Variants in CILK1 observed in about 807,000 individuals in gnomAD.
CILK1 encodes serine/threonine-protein kinase ICK.
In CILK1, 47 loss-of-function variants were observed where a neutral mutation model predicts 79.2. The observed-to-expected ratio is 0.59, with a 90% CI of 0.47 to 0.76. The LOEUF is 0.76. Ranked by LOEUF, CILK1 falls within the 30% of genes least tolerant of loss-of-function variation. The pLI is 0.00. For synonymous variants in CILK1, 266 were observed against 275.9 expected (o/e 0.96, Z 0.36); for missense variants, 660 against 769.5 (o/e 0.86, Z 1.68).
At chr6:53,014,066 G>C in intron 8 of CILK1, 84 bp from the exon 9 acceptor site, 1 of 1,104,928 alleles carries the variant, frequency 9.1e-7, no homozygotes, top group Non-Finnish European at 1.4e-6. Flanking sequence ...ATTTCATTGT[G>C]ACCAGTTTAC....
At position 53,001,347 on chromosome 6, in the gene CILK1, T is replaced by C. The variant is rs1467151189; in HGVS notation, c.*3802A>G. On this transcript the variant is annotated 3_prime_UTR_variant, in exon 14 of 14. Transcript: ENST00000676107. ...TTATTTGGACCAGGAAATTTTTCCT[T>C]ACATAAGGTTGACATGTTTTAAACA... The C allele has an allele frequency of 6.8e-6, 1 of 147,740 alleles. No individual in the cohort carries two copies. The highest frequency in any genetic ancestry group is 1.5e-5 in the Non-Finnish European group (1 of 66,376). 9.2% of individuals were successfully genotyped at this position (147,740 alleles called of 1,614,324 possible).
At chr6:53,012,369 A>C (rs889237959) in intron 9 of CILK1, 142 bp from the exon 10 acceptor site, 1 of 734,256 alleles carries the variant, frequency 1.4e-6, no homozygotes, top group African/African-American at 1.7e-5. Flanking sequence ...GCAACTGTAG[A>C]AAACACATTC....
At chr6:53,041,072 T>TA in intron 2 of CILK1, 64 bp downstream of exon 2, 1 of 1,114,444 alleles carries the variant, frequency 9.0e-7, no homozygotes, top group South Asian at 1.2e-5. Context: ...TTAGAACTGT[T>TA]ACAAAGACGG....
intron 1 of CILK1, among the ~76,000 whole-genome samples, chr6:53,058,479 G>A (rs1200261884): frequency 6.6e-6 from 1 of 152,088 alleles, no homozygotes; most frequent in African/African-American, 2.4e-5. Flanking sequence ...GTATTTCAAA[G>A]GTAAGCACAA....
intron 5 of CILK1, among the ~76,000 whole-genome samples, chr6:53,028,600 C>G (rs1325923246): frequency 6.6e-6 from 1 of 152,180 alleles, no homozygotes; most frequent in Non-Finnish European, 1.5e-5. Flanking sequence ...CAAACTGGAA[C>G]TGGGCACTTA....
chr6:53,039,863 G>T (rs1320858383), intron 2 of CILK1, among the ~76,000 whole-genome samples: 2 of 152,186 alleles, frequency 1.3e-5, no homozygotes, highest in African/African-American at 2.4e-5. Flanking sequence ...GTAATGGGTT[G>T]AATGGAGGTT....
chr6:53,056,463 A>G (rs1767879699), intron 1 of CILK1, among the ~76,000 whole-genome samples: 1 of 152,182 alleles, frequency 6.6e-6, no homozygotes, highest in Non-Finnish European at 1.5e-5. Context: ...GCTGTGTTCC[A>G]GTACAAATTT....
At chr6:53,059,403 C>T (rs1768224361) in intron 1 of CILK1, among the ~76,000 whole-genome samples, 2 of 152,188 alleles carry the variant, frequency 1.3e-5, no homozygotes, top group African/African-American at 2.4e-5. Context: ...TTAAACTAAC[C>T]TAAACCAATT....
chr6:53,012,336 C>T, intron 9 of CILK1, 109 bp from the exon 10 acceptor site: 1 of 943,378 alleles, frequency 1.1e-6, no homozygotes, highest in Non-Finnish European at 1.7e-6. Flanking sequence ...GCTCCTGGGG[C>T]ATAACATTGC....
In CILK1 at chr6:53,005,274, G is replaced by A. The variant is rs760090827; in HGVS notation, c.1774C>T (p.His592Tyr). The stretch of plus-strand genomic sequence containing the variant: ...GTGTGGAAGAATGGTCGCCCAGGAT[G>A]AGGTCTCATGGCCTTCAGGGAGGAA... ...GYSSLKAMRP[H>Y]PGRPFFHTQP... is the part of the protein sequence containing the mutation. The change falls in exon 14 of 14, where the codon CAT becomes TAT. Residue 592 changes from histidine (H) to tyrosine (Y), a missense_variant. By Grantham distance (83) the His-to-Tyr change is moderately conservative. Transcript: ENST00000676107. 6.2e-6 allele frequency: 10 copies of A among 1,614,228 alleles called. No homozygotes were observed. The highest frequency in any genetic ancestry group is 1.7e-5 in the Admixed American group (1 of 60,034).
chr6:53,022,185 C>G (rs1765286956), intron 5 of CILK1, among the ~76,000 whole-genome samples: 2 of 151,874 alleles, frequency 1.3e-5, no homozygotes, highest in South Asian at 4.1e-4. Context: ...TTTCAGCAAG[C>G]TAAGATTAAT....
At chr6:53,058,704 A>C (rs1415063453) in intron 1 of CILK1, among the ~76,000 whole-genome samples, 1 of 152,172 alleles carries the variant, frequency 6.6e-6, no homozygotes, top group East Asian at 1.9e-4. Context: ...GTTAAATGAG[A>C]TACTATTCAC....
rs1355926990 is a variant in CILK1, at chr6:53,002,112, T to A, written c.*3037A>T. 1 of 152,274 alleles carries A rather than the reference T, an allele frequency of 6.6e-6. No individual in the cohort carries two copies. Among genetic ancestry groups the A allele is most frequent in the African/African-American group, 2.4e-5 (1 of 41,456 alleles). 9.4% of individuals were successfully genotyped at this position (152,274 alleles called of 1,614,324 possible). A position where few individuals can be genotyped will look rare whatever the true frequency, so the allele number is the denominator to read the frequency against. On this transcript the variant is annotated 3_prime_UTR_variant, in exon 14 of 14. Transcript: ENST00000676107. ...TTAAAAAATTATTTGAAAATCAAGT[T>A]TCTTCCTACATAAATCCTATCACAC...
At position 53,059,255 on chromosome 6, in the gene CILK1, TGAGATTAATAGTAG is replaced by T. The variant is rs559212301; in HGVS notation, c.-173+2327_-173+2340del. On this transcript the variant is annotated intron_variant, in intron 1 of 13. Transcript: ENST00000676107. ...GGGAGCATTTTCCCTATTTTGCACATGAGATTAATAGTAGGAGAATTACAGAAGGCCACACAACT... is the reference window on the plus strand; with the variant it reads ...GGGAGCATTTTCCCTATTTTGCACATGAGAATTACAGAAGGCCACACAACT... Among the ~76,000 whole-genome samples the T allele has an allele frequency of 5.9e-5, 9 of 152,212 alleles. No homozygotes were observed. The South Asian group carries it at 1.9e-3, about 32-fold the overall frequency.
chr6:53,005,415 C>T (rs1764163751), intron 13 of CILK1, 112 bp from the exon 14 acceptor site: 9 of 1,145,834 alleles, frequency 7.9e-6, no homozygotes, highest in Non-Finnish European at 1.2e-5. Flanking sequence ...TCAAGAGGAG[C>T]ATCTTGTCTC....
At chr6:53,054,928 G>A (rs537661891) in intron 1 of CILK1, among the ~76,000 whole-genome samples, 5 of 152,302 alleles carry the variant, frequency 3.3e-5, no homozygotes, top group African/African-American at 7.2e-5. Flanking sequence ...AAATGGAGGC[G>A]AGGGGCAGGG....
At chr6:53,048,382 CTT>C (rs1409881986) in intron 1 of CILK1, among the ~76,000 whole-genome samples, 1 of 152,160 alleles carries the variant, frequency 6.6e-6, no homozygotes, top group Non-Finnish European at 1.5e-5. Flanking sequence ...CATGACCACT[CTT>C]TGAGCTTTCT....
chr6:53,052,123 A>G (rs982009386), intron 1 of CILK1: 2 of 151,274 alleles, frequency 1.3e-5, no homozygotes, highest in African/African-American at 4.9e-5. Flanking sequence ...TCATTGTTCA[A>G]CTCCTGCTTA....
At chr6:53,035,576 C>T (rs745351283) in intron 3 of CILK1, among the ~76,000 whole-genome samples, 15 of 152,046 alleles carry the variant, frequency 9.9e-5, no homozygotes, top group Non-Finnish European at 1.8e-4. Flanking sequence ...CTGCCATGGC[C>T]GTGAGGTGCA....
Sources: allele counts gnomAD v4.1 joint callset (sites outside exome capture counted in the v4.1 genomes callset), GRCh38; gene constraint gnomAD v4.1.1; transcripts MANE v1.5; gene names NCBI Gene and HGNC (gene_info 2026-07-23, HGNC 2026-07-21).